PDE4B: variants seen among roughly 807,000 people sequenced by gnomAD.
PDE4B encodes the protein 3',5'-cyclic-AMP phosphodiesterase 4B.
PDE4B carries 20 observed loss-of-function variants against 82.2 expected under a neutral mutation model. The observed-to-expected ratio is 0.24, with a 90% confidence interval of 0.17 to 0.35. The LOEUF is 0.35. Ranked by LOEUF, PDE4B falls within the 10% of genes least tolerant of loss-of-function variation. The pLI is 1.00. For synonymous variants in PDE4B, 320 were observed against 318.9 expected, an observed-to-expected ratio of 1.00 and a Z score of -0.04; for missense variants, 655 against 907.2, an observed-to-expected ratio of 0.72 and a Z score of 3.57.
chr1:66,285,864 A>G (rs1158015747), intron 7 of PDE4B, among the ~76,000 whole-genome samples: 1 of 152,158 alleles, frequency 6.6e-6, no homozygotes, highest in East Asian at 1.9e-4. Flanking sequence ...AGGTGTTGAC[A>G]ATGAAGCCAA....
chr1:65,972,624 A>G (rs954974424), intron 3 of PDE4B, among the ~76,000 whole-genome samples: 12 of 152,302 alleles, frequency 7.9e-5, no homozygotes, highest in Admixed American at 2.6e-4. Flanking sequence ...GACACAATCA[A>G]TCTGAAGGTG....
intron 1 of PDE4B, among the ~76,000 whole-genome samples, chr1:65,891,415 T>G (rs1194559079): frequency 6.6e-6 from 1 of 152,104 alleles, no homozygotes; most frequent in Non-Finnish European, 1.5e-5. Context: ...GTAGTTCAAC[T>G]AGTACTTTTT....
intron 10 of PDE4B, among the ~76,000 whole-genome samples, chr1:66,362,241 GC>G (rs1377343383): frequency 6.6e-6 from 1 of 152,188 alleles, no homozygotes; most frequent in African/African-American, 2.4e-5. Flanking sequence ...GGGACTGTAT[GC>G]CAAGGACCAA....
intron 1 of PDE4B, among the ~76,000 whole-genome samples, chr1:65,812,721 A>C (rs1436215892): frequency 6.6e-6 from 1 of 152,116 alleles, no homozygotes; most frequent in Non-Finnish European, 1.5e-5. Flanking sequence ...GACTGAGGGG[A>C]CGACTGTCTC....
rs190453914 is a variant in PDE4B at position 66,016,070 on chromosome 1, A to G, written c.281+97235A>G. Reference sequence around the variant, plus strand: ...GATAGAACTCTTCTAATTATTGACTATGTGACCTTGGGAAAGTTATTAAAC... The same window carrying G: ...GATAGAACTCTTCTAATTATTGACTGTGTGACCTTGGGAAAGTTATTAAAC... On this transcript the variant is annotated intron_variant, in intron 3 of 16. Coordinates refer to ENST00000341517, the MANE Select transcript of PDE4B (RefSeq NM_002600.4). Among the ~76,000 whole-genome samples, 826 of 152,258 alleles carry G rather than the reference A, an allele frequency of 5.4e-3. 4 individuals are homozygous for G. The highest frequency in any genetic ancestry group is 0.019 in the African/African-American group (782 of 41,562).
intron 16 of PDE4B, among the ~76,000 whole-genome samples, chr1:66,371,092 TACTA>T (rs1175285182): frequency 1.4e-5 from 1 of 71,588 alleles, no homozygotes; most frequent in Non-Finnish European, 2.6e-5. Context: ...ACACACATCA[TACTA>T]TATATATATA....
chr1:65,927,290 A>G (rs1264462717), intron 3 of PDE4B, among the ~76,000 whole-genome samples: 1 of 151,530 alleles, frequency 6.6e-6, no homozygotes, highest in Admixed American at 6.6e-5. Context: ...CTGGGTGGTT[A>G]TAGTATAGGG....
At chr1:65,951,654 C>A (rs918552289) in intron 3 of PDE4B, among the ~76,000 whole-genome samples, 3 of 152,036 alleles carry the variant, frequency 2.0e-5, no homozygotes, top group Non-Finnish European at 4.4e-5. Flanking sequence ...AATGGTGATG[C>A]AGGCCAAAGT....
rs964922133 is a variant in PDE4B at position 66,020,005 on chromosome 1, A to T, written c.281+101170A>T. Among the ~76,000 whole-genome samples, 6 of 152,356 alleles carry T rather than the reference A, an allele frequency of 3.9e-5. No homozygotes were observed. In the East Asian group the frequency reaches 5.8e-4, roughly 15 times the overall value. ...GTGGTTACTCATGACAGAGACCTGT[A>T]TGAGACTGTGTACATAGAAGTCAAA... On this transcript the variant is annotated intron_variant, in intron 3 of 16. Coordinates refer to ENST00000341517, the MANE Select transcript of PDE4B (RefSeq NM_002600.4).
chr1:66,216,818 T>TTAATAGCACAGTCATTAATTTGCCA (rs1650499421), intron 3 of PDE4B, among the ~76,000 whole-genome samples: 1 of 152,106 alleles, frequency 6.6e-6, no homozygotes, highest in Non-Finnish European at 1.5e-5. Context: ...GAAAGCAGTC[T>TTAATAGCACAGTCATTAATTTGCCA]TAATAGCACA....
intron 16 of PDE4B, among the ~76,000 whole-genome samples, chr1:66,369,990 A>C (rs2102064266): frequency 6.6e-6 from 1 of 151,982 alleles, no homozygotes; most frequent in East Asian, 1.9e-4. Flanking sequence ...TCTACCAAAA[A>C]CACACAAAAA....
At chr1:65,988,023 A>C (rs866071758) in intron 3 of PDE4B, among the ~76,000 whole-genome samples, 9 of 152,250 alleles carry the variant, frequency 5.9e-5, no homozygotes, top group Admixed American at 1.3e-4. Flanking sequence ...TCTATCCCAA[A>C]TTCCAGAAAT....
chr1:65,831,651 G>C (rs545928304), intron 1 of PDE4B, among the ~76,000 whole-genome samples: 46 of 151,818 alleles, frequency 3.0e-4, no homozygotes, highest in African/African-American at 1.1e-3. Flanking sequence ...AGAGGAGGTA[G>C]CACTTTCCAA....
chr1:66,338,951 G>A (rs964381713), intron 8 of PDE4B, among the ~76,000 whole-genome samples: 20 of 150,006 alleles, frequency 1.3e-4, no homozygotes, highest in South Asian at 6.3e-4. Context: ...CCCGGGAGGC[G>A]GAGCTTGCAG....
chr1:66,179,322 A>C (rs1647011083), intron 3 of PDE4B, among the ~76,000 whole-genome samples: 1 of 152,150 alleles, frequency 6.6e-6, no homozygotes, highest in Non-Finnish European at 1.5e-5. Flanking sequence ...AGCAATGATA[A>C]TTTTTTCCTT....
chr1:66,153,165 G>T (rs955717887), intron 3 of PDE4B, among the ~76,000 whole-genome samples: 2 of 152,148 alleles, frequency 1.3e-5, no homozygotes, highest in African/African-American at 4.8e-5. Flanking sequence ...TTGCAAAGCT[G>T]CTCTGAAGAA....
chr1:65,994,150 A>C (rs893180958), intron 3 of PDE4B, among the ~76,000 whole-genome samples: 1 of 152,218 alleles, frequency 6.6e-6, no homozygotes, highest in Non-Finnish European at 1.5e-5. Flanking sequence ...GTTGCCAATC[A>C]ACATTATAAA....
At chr1:66,063,862 A>G (rs182373389) in intron 3 of PDE4B, among the ~76,000 whole-genome samples, 114 of 152,124 alleles carry the variant, frequency 7.5e-4, no homozygotes, top group African/African-American at 2.4e-3. Context: ...ATTTTATGGA[A>G]GGTACTTTTG....
chr1:66,147,633 G>A (rs1646302620), intron 3 of PDE4B, among the ~76,000 whole-genome samples: 1 of 152,214 alleles, frequency 6.6e-6, no homozygotes, highest in South Asian at 2.1e-4. Context: ...TTGTCTGCTT[G>A]GATTCAGTCA....
Sources: allele counts gnomAD v4.1 joint callset (sites outside exome capture counted in the v4.1 genomes callset), GRCh38; gene constraint gnomAD v4.1.1; transcripts MANE v1.5; gene names NCBI Gene and HGNC (gene_info 2026-07-23, HGNC 2026-07-21).